The following LINGO2 variants were observed in gnomAD, a reference collection of about 807,000 sequenced individuals.
LINGO2 encodes the protein leucine rich repeat and Ig domain containing 2, also known as leucine-rich repeat and immunoglobulin-like domain-containing nogo receptor-interacting protein 2.
A neutral mutation model predicts 30.6 loss-of-function variants in LINGO2; 14 were observed. That is an observed-to-expected ratio of 0.46 (90% CI 0.30 to 0.72). LINGO2 has a LOEUF of 0.72. LINGO2 is among the 30% of genes least tolerant of loss of function. The pLI, the probability that LINGO2 is intolerant of heterozygous loss-of-function variation, is 0.07. For missense variants in LINGO2, 729 were observed against 751.7 expected, an observed-to-expected ratio of 0.97 and a Z score of 0.35; for synonymous variants, 317 against 288.5, an observed-to-expected ratio of 1.10 and a Z score of -1.00.
chr9:29,176,444 C>T, the LINGO2 span, among the ~76,000 whole-genome samples: 1 of 152,176 alleles, frequency 6.6e-6, no homozygotes, highest in African/African-American at 2.4e-5. Flanking sequence ...TTTGTTCTCC[C>T]TCTTTACAAT....
At chr9:28,089,716 G>T (rs1227027266) in intron 4 of LINGO2, among the ~76,000 whole-genome samples, 1 of 152,050 alleles carries the variant, frequency 6.6e-6, no homozygotes, top group Non-Finnish European at 1.5e-5. Context: ...ACTAAGATCA[G>T]AACAGAACTG....
chr9:28,725,000 T>C, the LINGO2 span, among the ~76,000 whole-genome samples: 4 of 151,408 alleles, frequency 2.6e-5, no homozygotes, highest in Non-Finnish European at 5.9e-5. Context: ...CATTTGAAGA[T>C]AAACAGAAAA....
chr9:28,079,459 A>T (rs1254644238), intron 4 of LINGO2, among the ~76,000 whole-genome samples: 1 of 152,218 alleles, frequency 6.6e-6, no homozygotes, highest in African/African-American at 2.4e-5. Flanking sequence ...AATAACTAAC[A>T]ATGCTCTTTA....
At chr9:29,025,586 T>G in the LINGO2 span, among the ~76,000 whole-genome samples, 1 of 152,184 alleles carries the variant, frequency 6.6e-6, no homozygotes, top group African/African-American at 2.4e-5. Flanking sequence ...CACTCTATAC[T>G]GTATGATGTT....
At chr9:28,897,784 C>T in the LINGO2 span, among the ~76,000 whole-genome samples, 1 of 152,100 alleles carries the variant, frequency 6.6e-6, no homozygotes, top group Non-Finnish European at 1.5e-5. Context: ...ATGTTAGCTA[C>T]TTTCATTAGT....
At chr9:28,684,488 C>CTT in the LINGO2 span, among the ~76,000 whole-genome samples, 6 of 131,016 alleles carry the variant, frequency 4.6e-5, no homozygotes, top group Non-Finnish European at 5.0e-5. Flanking sequence ...CGCGCCCAGC[C>CTT]TTTTTTTTTT....
At chr9:28,975,335 A>T in the LINGO2 span, among the ~76,000 whole-genome samples, 4 of 152,330 alleles carry the variant, frequency 2.6e-5, no homozygotes, top group East Asian at 7.7e-4. Flanking sequence ...AAGGCTGATG[A>T]CCTATGAACC....
At chr9:28,154,547 CAG>C (rs1239978434) in intron 4 of LINGO2, among the ~76,000 whole-genome samples, 1 of 152,156 alleles carries the variant, frequency 6.6e-6, no homozygotes, top group Admixed American at 6.5e-5. Context: ...GGTTTATTCA[CAG>C]AGTACTGTGT....
At chr9:28,568,464 T>C (rs1009373775) in intron 1 of LINGO2, among the ~76,000 whole-genome samples, 8 of 152,026 alleles carry the variant, frequency 5.3e-5, no homozygotes, top group African/African-American at 1.7e-4. Flanking sequence ...CACACATGTA[T>C]TGCTGAACCT....
chr9:28,820,182 C>G, the LINGO2 span, among the ~76,000 whole-genome samples: 2 of 150,300 alleles, frequency 1.3e-5, no homozygotes, highest in Non-Finnish European at 2.9e-5. Context: ...GAGTTTTTTC[C>G]TGAGCATTAT....
intron 4 of LINGO2, among the ~76,000 whole-genome samples, chr9:28,123,893 C>G (rs561493991): frequency 6.6e-6 from 1 of 152,172 alleles, no homozygotes; most frequent in African/African-American, 2.4e-5. Flanking sequence ...GTCTTGATTT[C>G]CTGACCTCAT....
intron 3 of LINGO2, among the ~76,000 whole-genome samples, chr9:28,370,716 T>G (rs1264314378): frequency 6.6e-6 from 1 of 152,146 alleles, no homozygotes; most frequent in Non-Finnish European, 1.5e-5. Flanking sequence ...CTATTCCAAA[T>G]GAAAGACCTT....
intron 1 of LINGO2, among the ~76,000 whole-genome samples, chr9:28,633,452 T>C (rs1424262156): frequency 6.6e-6 from 1 of 152,058 alleles, no homozygotes. Flanking sequence ...AATAATAAAT[T>C]CACACATTAT....
chr9:28,213,441 A>G (rs1035662840), intron 4 of LINGO2, among the ~76,000 whole-genome samples: 1 of 151,460 alleles, frequency 6.6e-6, no homozygotes, highest in Admixed American at 6.6e-5. Context: ...ATAAACAGAT[A>G]AGCACAAAAA....
chr9:28,766,002 A>C, the LINGO2 span, among the ~76,000 whole-genome samples: 1 of 152,116 alleles, frequency 6.6e-6, no homozygotes, highest in Non-Finnish European at 1.5e-5. Flanking sequence ...AAGCCTTAAA[A>C]AACAGAGAAA....
chr9:28,165,954 A>C (rs1477574720), intron 4 of LINGO2, among the ~76,000 whole-genome samples: 3 of 152,218 alleles, frequency 2.0e-5, no homozygotes, highest in African/African-American at 7.2e-5. Flanking sequence ...CAAAACTCGT[A>C]TTTACCAAAC....
chr9:28,920,053 A>G, the LINGO2 span, among the ~76,000 whole-genome samples: 1 of 152,274 alleles, frequency 6.6e-6, no homozygotes, highest in East Asian at 1.9e-4. Flanking sequence ...TTATAAAATC[A>G]ATTACTGCTA....
intron 3 of LINGO2, among the ~76,000 whole-genome samples, chr9:28,345,430 C>G (rs770767178): frequency 2.0e-5 from 3 of 152,084 alleles, no homozygotes; most frequent in African/African-American, 7.2e-5. Context: ...CATCAAACTG[C>G]TAGAACGCCA....
chr9:28,561,858 C>T (rs1291607392), intron 1 of LINGO2, among the ~76,000 whole-genome samples: 1 of 147,590 alleles, frequency 6.8e-6, no homozygotes, highest in East Asian at 2.0e-4. Context: ...ACAGACATAC[C>T]TTTACACAGT....
Sources: gnomAD v4.1 joint callset for allele counts (sites outside exome capture counted in the v4.1 genomes callset) on GRCh38, gnomAD v4.1.1 for gene constraint, MANE v1.5 for transcripts, NCBI Gene and HGNC (gene_info 2026-07-23, HGNC 2026-07-21) for gene names.